The following MACROD2 variants were observed in gnomAD, a reference collection of about 807,000 sequenced individuals.
The protein encoded by MACROD2 is mono-ADP ribosylhydrolase 2.
In MACROD2, 36 loss-of-function variants were observed where a neutral mutation model predicts 70.4. The ratio of observed to expected loss-of-function variants is 0.51; its 90% confidence interval spans 0.39 to 0.68. MACROD2 has a LOEUF of 0.68. Among genes scored for constraint, MACROD2 ranks in the 30% least tolerant of loss-of-function variants. The probability of loss-of-function intolerance (pLI) is 0.00; values close to 1 mark genes in which losing one functional copy is unlikely to be tolerated. For missense variants in MACROD2, 496 were observed against 538.4 expected, an observed-to-expected ratio of 0.92 and a Z score of 0.78; for synonymous variants, 172 against 178.8, an observed-to-expected ratio of 0.96 and a Z score of 0.30.
At chr20:15,467,579 T>A (rs1235632257) in intron 7 of MACROD2, among the ~76,000 whole-genome samples, 4 of 152,214 alleles carry the variant, frequency 2.6e-5, no homozygotes, top group Non-Finnish European at 5.9e-5. Context: ...CCTCTCTCTC[T>A]TATTCCAAAT....
At chr20:15,441,751 G>A (rs943089505) in intron 7 of MACROD2, among the ~76,000 whole-genome samples, 2 of 152,118 alleles carry the variant, frequency 1.3e-5, no homozygotes, top group East Asian at 3.9e-4. Flanking sequence ...AGCCTGGAAG[G>A]CATCACTGAA....
chr20:15,592,300 C>A (rs2048691014), intron 8 of MACROD2, among the ~76,000 whole-genome samples: 1 of 152,160 alleles, frequency 6.6e-6, no homozygotes, highest in African/African-American at 2.4e-5. Flanking sequence ...AAGACAGAGC[C>A]AAGAGTTGCA....
chr20:15,194,071 C>T (rs1052779403), intron 5 of MACROD2, among the ~76,000 whole-genome samples: 5 of 151,630 alleles, frequency 3.3e-5, no homozygotes, highest in Admixed American at 6.6e-5. Flanking sequence ...CATAGTGAAA[C>T]CCTGTCTCTA....
In MACROD2 at chr20:14,314,525, C is replaced by T. The variant is rs1333136315; in HGVS notation, c.272-178954C>T. ...CCTGTAATCCCAACACTTTGGGAGG[C>T]CGAGGTGGGTGGATCACCTGAGGTT... On this transcript the variant is annotated intron_variant, in intron 3 of 17. Coordinates refer to ENST00000684519, the MANE Select transcript of MACROD2 (RefSeq NM_001351661.2). Among the ~76,000 whole-genome samples, 10 of 152,140 alleles carry T rather than the reference C, an allele frequency of 6.6e-5. No individual in the cohort carries two copies. In the East Asian group the frequency reaches 1.9e-3, roughly 29 times the overall value.
chr20:14,519,801 A>G (rs1020915727), intron 4 of MACROD2, among the ~76,000 whole-genome samples: 14 of 152,230 alleles, frequency 9.2e-5, no homozygotes, highest in African/African-American at 3.4e-4. Context: ...AATAGCAAAG[A>G]CATAGAATCA....
chr20:14,630,323 G>A (rs1283327830), intron 4 of MACROD2, among the ~76,000 whole-genome samples: 2 of 152,148 alleles, frequency 1.3e-5, no homozygotes, highest in Non-Finnish European at 2.9e-5. Flanking sequence ...CATCTACACC[G>A]ATTTCTATAA....
chr20:15,520,235 C>T (rs6135432), intron 8 of MACROD2, among the ~76,000 whole-genome samples: 5,489 of 152,064 alleles, frequency 0.036, 340 homozygotes, highest in East Asian at 0.28. Flanking sequence ...GTTTAAAATC[C>T]ACACTGGGAA....
chr20:14,148,586 T>C (rs1334107155), intron 3 of MACROD2, among the ~76,000 whole-genome samples: 3 of 152,216 alleles, frequency 2.0e-5, no homozygotes, highest in Non-Finnish European at 4.4e-5. Context: ...AGCTGCACTG[T>C]TACATATTCT....
chr20:14,538,939 A>C (rs1190262195), intron 4 of MACROD2, among the ~76,000 whole-genome samples: 1 of 152,206 alleles, frequency 6.6e-6, no homozygotes, highest in Non-Finnish European at 1.5e-5. Context: ...CGTGAGAGTC[A>C]GGACTTTGTG....
chr20:14,516,362 A>G (rs1311842502), intron 4 of MACROD2, among the ~76,000 whole-genome samples: 1 of 152,112 alleles, frequency 6.6e-6, no homozygotes, highest in Non-Finnish European at 1.5e-5. Context: ...GTGTTTAGTC[A>G]TGAAGTCTTT....
chr20:14,978,913 TA>T (rs2074770815), intron 5 of MACROD2, among the ~76,000 whole-genome samples: 1 of 135,980 alleles, frequency 7.4e-6, no homozygotes, highest in African/African-American at 3.0e-5. Flanking sequence ...ATATTATATA[TA>T]ATATATATCA....
intron 8 of MACROD2, among the ~76,000 whole-genome samples, chr20:15,857,744 T>TAGAA (rs1388297456): frequency 2.0e-5 from 3 of 152,038 alleles, no homozygotes; most frequent in African/African-American, 7.2e-5. Flanking sequence ...AACAGAGGCA[T>TAGAA]AGAAAGAAAG....
chr20:14,681,193 C>T (rs1038637862), intron 4 of MACROD2, among the ~76,000 whole-genome samples: 8 of 152,104 alleles, frequency 5.3e-5, no homozygotes, highest in African/African-American at 1.9e-4. Context: ...ATGGTAATCA[C>T]TGGGGAAAAC....
Position 14,862,464 on chromosome 20 carries a change from TATATATATATAAATATATATAA to T in MACROD2, c.418+177545_418+177566del, listed in dbSNP as rs2073361563. Reference sequence around the variant, plus strand: ...AAATATATATATAAATATATATAAATATATATATATAAATATATATAAATATATATATAAATATATATAAATA... The same window carrying T: ...AAATATATATATAAATATATATAAATATATATATATAAATATATATAAATA... On this transcript the variant is annotated intron_variant, in intron 5 of 17. Coordinates refer to ENST00000684519, the MANE Select transcript of MACROD2 (RefSeq NM_001351661.2). 1.3e-3 allele frequency among the ~76,000 whole-genome samples: 2 copies of T among 1,586 alleles called. 1 individual carries two copies. The allele number at this position is 1,586 out of a possible 152,430, so 1.0% of individuals were successfully genotyped here. A position where few individuals can be genotyped will look rare whatever the true frequency, so the allele number is the denominator to read the frequency against.
chr20:15,499,662 T>C, intron 7 of MACROD2, 112 bp from the exon 8 acceptor site: 1 of 886,116 alleles, frequency 1.1e-6, no homozygotes, highest in Non-Finnish European at 1.8e-6. Flanking sequence ...CTGTACTTAT[T>C]GGTTGAACTG....
At chr20:14,090,487 C>T (rs1195632471) in intron 3 of MACROD2, among the ~76,000 whole-genome samples, 1 of 150,850 alleles carries the variant, frequency 6.6e-6, no homozygotes, top group Non-Finnish European at 1.5e-5. Context: ...GCAGGAGAAT[C>T]GCTTGAACCC....
intron 5 of MACROD2, among the ~76,000 whole-genome samples, chr20:15,227,823 GTTTTTTTTTT>G (rs59129207): frequency 7.4e-4 from 34 of 46,108 alleles, no homozygotes; most frequent in Middle Eastern, 0.02. Flanking sequence ...AATTTCACCT[GTTTTTTTTTT>G]TTTTTTTTTT....
intron 3 of MACROD2, among the ~76,000 whole-genome samples, chr20:14,329,837 G>A (rs2082801415): frequency 6.6e-6 from 1 of 151,970 alleles, no homozygotes; most frequent in Non-Finnish European, 1.5e-5. Flanking sequence ...TGCCCTGTTT[G>A]ATTCCTCCTG....
At chr20:15,360,334 G>T (rs2078337293) in intron 6 of MACROD2, among the ~76,000 whole-genome samples, 1 of 152,100 alleles carries the variant, frequency 6.6e-6, no homozygotes, top group African/African-American at 2.4e-5. Context: ...GCAGGTTTTT[G>T]TGAAGATGTA....
Sources: gnomAD v4.1 joint callset for allele counts (sites outside exome capture counted in the v4.1 genomes callset) on GRCh38, gnomAD v4.1.1 for gene constraint, MANE v1.5 for transcripts, NCBI Gene and HGNC (gene_info 2026-07-23, HGNC 2026-07-21) for gene names.